SMURF2: variants seen among roughly 807,000 people sequenced by gnomAD.
SMURF2 encodes SMAD specific E3 ubiquitin protein ligase 2.
SMURF2 carries 48 observed loss-of-function variants against 109.6 expected under a neutral mutation model. That is an observed-to-expected ratio of 0.44 (90% CI 0.35 to 0.56). The LOEUF (loss-of-function observed/expected upper bound fraction) is 0.56, where lower values mean the gene tolerates loss of function less well. Among genes scored for constraint, SMURF2 ranks in the 20% least tolerant of loss-of-function variants. SMURF2 has a pLI of 0.01. For missense variants in SMURF2, 575 were observed against 909.0 expected, an observed-to-expected ratio of 0.63 and a Z score of 4.72; for synonymous variants, 288 against 317.1, an observed-to-expected ratio of 0.91 and a Z score of 0.97.
At chr17:64,660,489 A>G (rs1211204877) in intron 1 of SMURF2, among the ~76,000 whole-genome samples, 1 of 152,220 alleles carries the variant, frequency 6.6e-6, no homozygotes, top group Non-Finnish European at 1.5e-5. Flanking sequence ...AGGGAAAGGA[A>G]AACTGCCATG....
chr17:64,604,348 A>G (rs1427490085), intron 2 of SMURF2, among the ~76,000 whole-genome samples: 1 of 152,044 alleles, frequency 6.6e-6, no homozygotes, highest in Non-Finnish European at 1.5e-5. Context: ...ATTTTTATCA[A>G]TTTTTACTGC....
intron 1 of SMURF2, among the ~76,000 whole-genome samples, chr17:64,616,831 C>T (rs184366531): frequency 2.6e-5 from 4 of 151,470 alleles, no homozygotes; most frequent in South Asian, 4.2e-4. Context: ...CAGTTTGAGA[C>T]GTCTAGGCGG....
At chr17:64,564,017 C>A (rs1028223267) in intron 10 of SMURF2, among the ~76,000 whole-genome samples, 3 of 152,088 alleles carry the variant, frequency 2.0e-5, no homozygotes, top group Non-Finnish European at 4.4e-5. Flanking sequence ...ATGTAAATAT[C>A]TAAAGAAGCT....
In SMURF2 at chr17:64,580,861, T is replaced by C; in HGVS notation, c.700A>G (p.Arg234Gly). 1 of 1,614,194 alleles carries C rather than the reference T, an allele frequency of 6.2e-7. No individual in the cohort carries two copies. Among genetic ancestry groups the C allele is most frequent in the Non-Finnish European group, 8.5e-7 (1 of 1,180,020 alleles). The change falls in exon 8 of 19, where the codon AGG becomes GGG. Residue 234 changes from arginine (R) to glycine (G), a missense_variant. Coordinates refer to ENST00000262435, the MANE Select transcript of SMURF2 (RefSeq NM_022739.4). ...SDPRLAERRV[R>G]SQRHRNYMSR... ...ATGTAATTTCTATGTCGTTGTGACC[T>C]GACTCTCCTCTCTGCCAGCCTGGGA...
intron 1 of SMURF2, among the ~76,000 whole-genome samples, chr17:64,661,025 G>GT (rs1970767616): frequency 6.6e-6 from 1 of 152,052 alleles, no homozygotes; most frequent in Admixed American, 6.6e-5. Flanking sequence ...GGTGGGGAGA[G>GT]TAACAGAAAG....
At chr17:64,588,332 G>C (rs1410716753) in intron 5 of SMURF2, among the ~76,000 whole-genome samples, 1 of 151,858 alleles carries the variant, frequency 6.6e-6, no homozygotes, top group Non-Finnish European at 1.5e-5. Context: ...AAATTTGGGA[G>C]ATTCTTTTCT....
At position 64,662,062 on chromosome 17, in the gene SMURF2, GC is replaced by G. The variant is rs1371952484; in HGVS notation, c.-183del. ...AGCCGCGGAGGGAGCGGGACGCCGA[GC>G]TCCCCCCTCCTCCCACTTCTCCTTC... On this transcript the variant is annotated 5_prime_UTR_variant, in exon 1 of 19. Transcript: ENST00000262435. 2 of 1,102,028 alleles carry G rather than the reference GC, an allele frequency of 1.8e-6. No individual in the cohort carries two copies. Among genetic ancestry groups the G allele is most frequent in the Non-Finnish European group, 2.2e-6 (2 of 905,126 alleles). The allele number at this position is 1,102,028 out of a possible 1,614,324, so 68.3% of individuals were successfully genotyped here. A position where few individuals can be genotyped will look rare whatever the true frequency, so the allele number is the denominator to read the frequency against.
At chr17:64,643,477 T>G (rs563396348) in intron 1 of SMURF2, among the ~76,000 whole-genome samples, 1 of 152,316 alleles carries the variant, frequency 6.6e-6, no homozygotes, top group South Asian at 2.1e-4. Flanking sequence ...GCTGCCGTCA[T>G]GTACTACATA....
At chr17:64,631,318 G>C (rs868987691) in intron 1 of SMURF2, among the ~76,000 whole-genome samples, 19 of 117,534 alleles carry the variant, frequency 1.6e-4, no homozygotes, top group Admixed American at 4.8e-4. Context: ...GAGAGAGAGA[G>C]AGAGAGAGAC....
chr17:64,585,094 A>T (rs1272637959), intron 6 of SMURF2, among the ~76,000 whole-genome samples: 4 of 152,236 alleles, frequency 2.6e-5, no homozygotes, highest in Admixed American at 2.6e-4. Context: ...ATTGGAGTTA[A>T]AATTTAACCA....
intron 15 of SMURF2, among the ~76,000 whole-genome samples, chr17:64,554,197 C>CA (rs1380256343): frequency 6.6e-6 from 1 of 152,196 alleles, no homozygotes; most frequent in Non-Finnish European, 1.5e-5. Context: ...CATGTGGCCC[C>CA]AGTGCCCACA....
chr17:64,594,986 G>A (rs1440100217), intron 3 of SMURF2, among the ~76,000 whole-genome samples: 4 of 151,512 alleles, frequency 2.6e-5, no homozygotes, highest in African/African-American at 7.3e-5. Flanking sequence ...GCAAAACTCC[G>A]TCTCAAAAAA....
At chr17:64,621,128 A>G (rs752559599) in intron 1 of SMURF2, among the ~76,000 whole-genome samples, 76 of 152,200 alleles carry the variant, frequency 5.0e-4, no homozygotes, top group Non-Finnish European at 8.5e-4. Flanking sequence ...GTAAACTTCC[A>G]CATCTTCTGC....
Position 64,593,388 on chromosome 17 carries a change from C to T in SMURF2, c.334+52G>A, listed in dbSNP as rs534912671. On this transcript the variant is annotated intron_variant, in intron 4 of 18. Transcript: ENST00000262435. ...ATATGTATATGCACAAATACATATA[C>T]ACACACACACATATATGTTTTTTAA... is the stretch of plus-strand genomic sequence containing the variant. 173 of 1,420,668 alleles carry T rather than the reference C, an allele frequency of 1.2e-4. 2 individuals are homozygous for T. In the South Asian group the frequency reaches 2.0e-3, roughly 16 times the overall value. 88.0% of individuals were successfully genotyped at this position (1,420,668 alleles called of 1,614,324 possible). A position where few individuals can be genotyped will look rare whatever the true frequency, so the allele number is the denominator to read the frequency against.
chr17:64,630,100 G>GT (rs1970318305), intron 1 of SMURF2, among the ~76,000 whole-genome samples: 1 of 152,058 alleles, frequency 6.6e-6, no homozygotes, highest in Non-Finnish European at 1.5e-5. Context: ...GCCAGGCATG[G>GT]TGGTGCACGC....
chr17:64,569,568 A>G (rs548794440), intron 10 of SMURF2, among the ~76,000 whole-genome samples: 22 of 152,224 alleles, frequency 1.4e-4, no homozygotes, highest in Non-Finnish European at 2.5e-4. Context: ...GGAAATCCAA[A>G]TAGTCAATAA....
In SMURF2 at chr17:64,616,118, C is replaced by A. The variant is rs138679685; in HGVS notation, c.53-9478G>T. On this transcript the variant is annotated intron_variant, in intron 1 of 18. Transcript: ENST00000262435. The stretch of plus-strand genomic sequence containing the variant: ...GTGCTGGGATTACAGGCGTCAGCCA[C>A]CACACCCGGCTTAGAAAATATTTTC... Among the ~76,000 whole-genome samples the A allele has an allele frequency of 9.3e-3, 1,415 of 152,258 alleles. 28 individuals carry two copies. Among genetic ancestry groups the A allele is most frequent in the African/African-American group, 0.032 (1,340 of 41,530 alleles).
At chr17:64,622,264 C>T (rs1253568848) in intron 1 of SMURF2, among the ~76,000 whole-genome samples, 1 of 151,720 alleles carries the variant, frequency 6.6e-6, no homozygotes, top group Admixed American at 6.6e-5. Context: ...TACAGTGTTC[C>T]CACATATCCA....
chr17:64,594,227 A>C (rs1320836523), intron 3 of SMURF2: 3 of 152,232 alleles, frequency 2.0e-5, no homozygotes, highest in Non-Finnish European at 2.9e-5. Flanking sequence ...AAAGATAATA[A>C]AATAACATGT....
Sources: gnomAD v4.1 joint callset for allele counts (sites outside exome capture counted in the v4.1 genomes callset) on GRCh38, gnomAD v4.1.1 for gene constraint, MANE v1.5 for transcripts, NCBI Gene and HGNC (gene_info 2026-07-23, HGNC 2026-07-21) for gene names.